The following ATR variants were observed in gnomAD, a reference collection of about 807,000 sequenced individuals.
ATR encodes ATR checkpoint kinase, also known as serine/threonine-protein kinase ATR.
A neutral mutation model predicts 305.3 loss-of-function variants in ATR; 142 were observed. That is an observed-to-expected ratio of 0.47 (90% CI 0.41 to 0.53). The LOEUF (loss-of-function observed/expected upper bound fraction) is 0.53. ATR is among the 20% of genes least tolerant of loss of function. The pLI, the probability that ATR is intolerant of heterozygous loss-of-function variation, is 0.00. For missense variants in ATR, 2,135 were observed against 3,133.1 expected, an observed-to-expected ratio of 0.68 and a Z score of 7.60; for synonymous variants, 1,050 against 1,068.1, an observed-to-expected ratio of 0.98 and a Z score of 0.33.
intron 16 of ATR, among the ~76,000 whole-genome samples, chr3:142,544,466 A>AAAAAAAAAAAAAAAAC: frequency 6.7e-6 from 1 of 148,544 alleles, no homozygotes; most frequent in Non-Finnish European, 1.5e-5. Flanking sequence ...AAAAAAAAAA[A>AAAAAAAAAAAAAAAAC]AAAAAAAAAA....
intron 25 of ATR, among the ~76,000 whole-genome samples, chr3:142,514,349 G>A (rs549124933): frequency 6.6e-6 from 1 of 152,000 alleles, no homozygotes; most frequent in African/African-American, 2.4e-5. Context: ...TTAATTAAAG[G>A]TGGGGCACGG....
chr3:142,464,475 C>T (rs893094121), intron 41 of ATR, among the ~76,000 whole-genome samples: 6 of 152,094 alleles, frequency 3.9e-5, no homozygotes, highest in African/African-American at 1.4e-4. Flanking sequence ...AAGGTAGAAG[C>T]ATCCAAATGT....
intron 34 of ATR, among the ~76,000 whole-genome samples, chr3:142,495,541 G>A (rs554364807): frequency 3.3e-5 from 5 of 152,108 alleles, no homozygotes; most frequent in South Asian, 2.1e-4. Flanking sequence ...TCAGGAGATC[G>A]AGACCACCCT....
At position 142,522,828 on chromosome 3, in the gene ATR, T is replaced by C. The variant is rs1258268226; in HGVS notation, c.4166A>G (p.Asp1389Gly). The C allele has an allele frequency of 6.2e-7, 1 of 1,611,074 alleles. No homozygotes were observed. Among genetic ancestry groups the C allele is most frequent in the African/African-American group, 1.3e-5 (1 of 74,764 alleles). ...CAATAATCCATAGGCAAAGCTTGAA[T>C]CTTCTACTCCAGTCTCAATCAGAAA... Reference protein sequence around the residue: ...KDFTFVTGVEDSSFAYGLLME... With the variant: ...KDFTFVTGVEGSSFAYGLLME... The change falls in exon 23 of 47, where the codon GAT becomes GGT. Residue 1389 changes from aspartate to glycine, a missense_variant. Physicochemically the swap from Asp to Gly is moderately conservative, Grantham distance 94 (BLOSUM62 -1). This residue lies in a region of ATR where 530 missense variants were observed against 766.8 expected (regional missense o/e 0.69). Coordinates refer to ENST00000350721, the MANE Select transcript of ATR (RefSeq NM_001184.4).
intron 1 of ATR, among the ~76,000 whole-genome samples, chr3:142,577,482 G>A (rs567342593): frequency 2.0e-4 from 31 of 152,236 alleles, no homozygotes; most frequent in African/African-American, 7.2e-4. Flanking sequence ...TAAACACAAA[G>A]TATACTTGCC....
intron 21 of ATR, among the ~76,000 whole-genome samples, chr3:142,531,687 G>A (rs2033653079): frequency 6.6e-6 from 1 of 152,146 alleles, no homozygotes; most frequent in Admixed American, 6.5e-5. Flanking sequence ...CCAAGTCTTT[G>A]CTATTGTGAA....
Position 142,461,941 on chromosome 3 carries a change from C to T in ATR, c.7191G>A (p.Lys2397=), listed in dbSNP as rs777949496. The change falls in exon 42 of 47, where the codon AAG becomes AAA. Residue 2397 remains lysine, a splice_region_variant and synonymous_variant. Transcript: ENST00000350721. ...RPILTKLYKE[K]GVYMTGKELR... is the part of the protein sequence containing the mutation. The stretch of plus-strand genomic sequence containing the variant: ...ATGTATAAGAATTAATTTTAGTACC[C>T]TTTTCTTTATATAGTTTGGTCAGAA... 3 of 1,613,130 alleles carry T rather than the reference C, an allele frequency of 1.9e-6. No individual in the cohort carries two copies. The highest frequency in any genetic ancestry group is 1.7e-6 in the Non-Finnish European group (2 of 1,179,514).
At chr3:142,493,404 C>G in intron 34 of ATR, 93 bp from the exon 35 acceptor site, 2 of 1,319,952 alleles carry the variant, frequency 1.5e-6, no homozygotes, top group Non-Finnish European at 2.1e-6. Context: ...TTGTACAAAT[C>G]CATTTGTAAT....
intron 46 of ATR, chr3:142,450,679 A>C: frequency 1.3e-6 from 2 of 1,598,758 alleles, no homozygotes; most frequent in Non-Finnish European, 1.7e-6. Context: ...AATTTAAAAA[A>C]TCCTGATTAA....
intron 21 of ATR, among the ~76,000 whole-genome samples, chr3:142,528,880 T>TATATATATATA (rs1491576068): frequency 3.9e-4 from 15 of 38,592 alleles, no homozygotes; most frequent in African/African-American, 1.1e-3. Context: ...TATATATATA[T>TATATATATATA]TTTTTTTTTT....
At chr3:142,475,824 T>C (rs2071426764) in intron 36 of ATR, among the ~76,000 whole-genome samples, 1 of 152,248 alleles carries the variant, frequency 6.6e-6, no homozygotes, top group Non-Finnish European at 1.5e-5. Context: ...ATTGTGGTTT[T>C]GATTTGCATT....
chr3:142,557,143 A>G (rs2034700470), intron 8 of ATR, among the ~76,000 whole-genome samples: 1 of 152,096 alleles, frequency 6.6e-6, no homozygotes, highest in Non-Finnish European at 1.5e-5. Context: ...GGTGGAGCAT[A>G]AGATTCCCCA....
intron 10 of ATR, 104 bp from the exon 11 acceptor site, chr3:142,554,119 C>A (rs1437372518): frequency 4.1e-6 from 4 of 980,596 alleles, no homozygotes; most frequent in African/African-American, 3.3e-5. Flanking sequence ...ATCCTAAGTT[C>A]TCTTATAATG....
chr3:142,576,346 T>A (rs1290564707), intron 1 of ATR, among the ~76,000 whole-genome samples: 1 of 152,228 alleles, frequency 6.6e-6, no homozygotes. Flanking sequence ...CAACCTAATA[T>A]ATATCTCCGA....
intron 16 of ATR, among the ~76,000 whole-genome samples, chr3:142,544,548 T>A (rs547108037): frequency 6.9e-6 from 1 of 144,096 alleles, no homozygotes; most frequent in South Asian, 2.2e-4. Flanking sequence ...TACTACAAAC[T>A]GAGAATGTGA....
chr3:142,521,617 T>C (rs73240310), intron 23 of ATR, among the ~76,000 whole-genome samples: 20,411 of 152,094 alleles, frequency 0.13, 1,426 homozygotes, highest in Non-Finnish European at 0.16. Flanking sequence ...TTGAAAGAAG[T>C]TGATTCCAAC....
intron 21 of ATR, among the ~76,000 whole-genome samples, chr3:142,533,922 G>C (rs1034884432): frequency 6.6e-6 from 1 of 151,914 alleles, no homozygotes; most frequent in Non-Finnish European, 1.5e-5. Flanking sequence ...TGAGGCAGCT[G>C]CAGCTTTCCT....
chr3:142,496,278 CTATATATA>C (rs6148111), intron 34 of ATR, 75 bp downstream of exon 34: 17 of 115,084 alleles, frequency 1.5e-4, no homozygotes, highest in Admixed American at 2.8e-4. Context: ...TAATTCCCGA[CTATATATA>C]TATATATATA....
At chr3:142,528,470 T>G (rs200077990) in intron 21 of ATR, among the ~76,000 whole-genome samples, 3 of 152,154 alleles carry the variant, frequency 2.0e-5, no homozygotes, top group African/African-American at 7.2e-5. Flanking sequence ...ATTTAATGCT[T>G]TTCAGCTTCA....
Sources: gnomAD v4.1 joint callset for allele counts (sites outside exome capture counted in the v4.1 genomes callset) on GRCh38, gnomAD v4.1.1 for gene constraint, gnomAD v4.1.1 regional missense constraint, MANE v1.5 for transcripts, NCBI Gene and HGNC (gene_info 2026-07-23, HGNC 2026-07-21) for gene names.